The following RIMS2 variants were observed in gnomAD, a reference collection of about 807,000 sequenced individuals.
RIMS2 encodes the protein regulating synaptic membrane exocytosis 2.
A neutral mutation model predicts 174.4 loss-of-function variants in RIMS2; 59 were observed. The observed-to-expected ratio is 0.34, with a 90% CI of 0.27 to 0.42. RIMS2 has a LOEUF of 0.42. Among genes scored for constraint, RIMS2 ranks in the 10% least tolerant of loss-of-function variants. RIMS2 has a pLI of 1.00. For missense variants in RIMS2, 1,620 were observed against 1,666.3 expected (o/e 0.97, Z 0.48); for synonymous variants, 606 against 572.5 (o/e 1.06, Z -0.84).
chr8:103,982,047 C>T (rs2154549329), intron 16 of RIMS2, among the ~76,000 whole-genome samples: 1 of 151,882 alleles, frequency 6.6e-6, no homozygotes, highest in South Asian at 2.1e-4. Context: ...CCCAAATAAA[C>T]AAAATCAGGG....
chr8:103,555,290 G>A (rs1245012087), intron 1 of RIMS2, among the ~76,000 whole-genome samples: 4 of 151,940 alleles, frequency 2.6e-5, no homozygotes, highest in Non-Finnish European at 5.9e-5. Flanking sequence ...TAATTATCAG[G>A]GAAATGCAAA....
At chr8:104,224,268 CAGTT>C (rs1327187354) in intron 19 of RIMS2, among the ~76,000 whole-genome samples, 6 of 152,258 alleles carry the variant, frequency 3.9e-5, no homozygotes, top group South Asian at 4.1e-4. Flanking sequence ...AGTGGACAGA[CAGTT>C]AGAGGGTTGC....
chr8:103,969,794 A>T (rs1266573897), intron 15 of RIMS2, among the ~76,000 whole-genome samples: 1 of 151,930 alleles, frequency 6.6e-6, no homozygotes, highest in Non-Finnish European at 1.5e-5. Context: ...GTCGCCCAGG[A>T]TGGAGGGCAG....
chr8:104,031,883 C>A (rs1232623012), intron 19 of RIMS2, among the ~76,000 whole-genome samples: 9 of 151,998 alleles, frequency 5.9e-5, no homozygotes, highest in Admixed American at 5.9e-4. Flanking sequence ...TTGGTGTGGA[C>A]TTGATAGTGT....
intron 16 of RIMS2, 29 bp from the exon 19 acceptor site, chr8:103,989,275 TA>T (rs1369267686): frequency 7.9e-7 from 1 of 1,262,342 alleles, no homozygotes; most frequent in Non-Finnish European, 1.2e-6. Context: ...AATGGTTTAC[TA>T]AGATATTGAA....
intron 19 of RIMS2, among the ~76,000 whole-genome samples, chr8:104,242,738 C>T (rs1408047003): frequency 6.6e-6 from 1 of 152,170 alleles, no homozygotes; most frequent in African/African-American, 2.4e-5. Context: ...TGATTAGAAA[C>T]AGGTTGCATG....
intron 19 of RIMS2, among the ~76,000 whole-genome samples, chr8:104,200,214 T>C (rs2099047754): frequency 6.6e-6 from 1 of 151,118 alleles, no homozygotes; most frequent in African/African-American, 2.4e-5. Context: ...GGGAGGGGAG[T>C]AGCAAATAGA....
chr8:103,686,361 G>A (rs552716222), intron 1 of RIMS2, among the ~76,000 whole-genome samples: 5 of 151,994 alleles, frequency 3.3e-5, no homozygotes, highest in Non-Finnish European at 7.4e-5. Context: ...AGCATTTTCA[G>A]TTTGATGTTG....
chr8:104,143,870 G>A (rs1412701297), intron 19 of RIMS2, among the ~76,000 whole-genome samples: 1 of 152,060 alleles, frequency 6.6e-6, no homozygotes, highest in Admixed American at 6.6e-5. Context: ...GCTCTAATGT[G>A]ATGAAATATT....
chr8:103,669,350 A>C (rs1026257764), intron 1 of RIMS2, among the ~76,000 whole-genome samples: 2 of 152,230 alleles, frequency 1.3e-5, no homozygotes, highest in Non-Finnish European at 2.9e-5. Flanking sequence ...GGGTGGGGAC[A>C]TAGCTGTACC....
At chr8:103,952,790 G>A (rs531845678) in intron 14 of RIMS2, among the ~76,000 whole-genome samples, 98 of 152,246 alleles carry the variant, frequency 6.4e-4, no homozygotes, top group African/African-American at 2.3e-3. Context: ...GTCGACTTCA[G>A]AAAGTGGGTA....
intron 19 of RIMS2, among the ~76,000 whole-genome samples, chr8:104,140,957 A>T (rs556904629): frequency 3.3e-5 from 5 of 152,346 alleles, no homozygotes; most frequent in African/African-American, 1.2e-4. Context: ...TGTTATAATG[A>T]AGACATTTTA....
chr8:103,610,147 T>C (rs1401329485), intron 1 of RIMS2, among the ~76,000 whole-genome samples: 1 of 152,140 alleles, frequency 6.6e-6, no homozygotes, highest in African/African-American at 2.4e-5. Flanking sequence ...ATTGTTGGTG[T>C]ATAGGAATGC....
chr8:104,128,577 AC>A (rs1378643246), intron 19 of RIMS2, among the ~76,000 whole-genome samples: 3 of 152,066 alleles, frequency 2.0e-5, no homozygotes, highest in Admixed American at 6.6e-5. Flanking sequence ...CATGCCTGTA[AC>A]CCCAGCTACT....
At chr8:104,027,609 GCCTCAGGGCCTGC>G (rs1024111950) in intron 19 of RIMS2, among the ~76,000 whole-genome samples, 1 of 151,922 alleles carries the variant, frequency 6.6e-6, no homozygotes, top group African/African-American at 2.4e-5. Context: ...TTGAAACTTT[GCCTCAGGGCCTGC>G]TTTACAATGT....
chr8:103,824,037 A>G (rs77537747), intron 3 of RIMS2, among the ~76,000 whole-genome samples: 1,664 of 152,146 alleles, frequency 0.011, 44 homozygotes, highest in African/African-American at 0.038. Context: ...TAGATTTCTA[A>G]TCAAAATGGC....
chr8:104,034,666 C>T (rs2096477130), intron 19 of RIMS2, among the ~76,000 whole-genome samples: 2 of 151,696 alleles, frequency 1.3e-5, no homozygotes, highest in Non-Finnish European at 2.9e-5. Context: ...GACGGGGTTT[C>T]ACCATGTTGG....
rs543248914 is a variant in RIMS2 at position 103,897,583 on chromosome 8, C to A, written c.1624+11360C>A. Among the ~76,000 whole-genome samples the A allele has an allele frequency of 1.2e-4, 18 of 151,774 alleles. No homozygotes were observed. The South Asian group carries it at 3.7e-3, about 31-fold the overall frequency. On this transcript the variant is annotated intron_variant, in intron 4 of 23. Transcript: ENST00000504942. ...TATAATGAATCATTGTTTGGCTTGT[C>A]CAACCTTTCAGTTTGCAGACCTAGC...
intron 19 of RIMS2, among the ~76,000 whole-genome samples, chr8:104,238,362 C>T (rs2099269769): frequency 6.6e-6 from 1 of 151,644 alleles, no homozygotes; most frequent in Non-Finnish European, 1.5e-5. Context: ...GGGCTTAAAA[C>T]CTAGATGATG....
Sources: gnomAD v4.1 joint callset for allele counts (sites outside exome capture counted in the v4.1 genomes callset) on GRCh38, gnomAD v4.1.1 for gene constraint, MANE v1.5 for transcripts, NCBI Gene and HGNC (gene_info 2026-07-23, HGNC 2026-07-21) for gene names.